The following MLLT3 variants were observed in gnomAD, a reference collection of about 807,000 sequenced individuals.
MLLT3 encodes protein AF-9.
A neutral mutation model predicts 53.2 loss-of-function variants in MLLT3; 4 were observed. That is an observed-to-expected ratio of 0.08 (90% CI 0.04 to 0.17). The LOEUF (loss-of-function observed/expected upper bound fraction) is 0.17. Ranked by LOEUF, MLLT3 falls within the 10% of genes least tolerant of loss-of-function variation. MLLT3 has a pLI of 1.00. For synonymous variants in MLLT3, 283 were observed against 230.6 expected (o/e 1.23, Z -2.06); for missense variants, 569 against 684.0 (o/e 0.83, Z 1.87).
At chr9:20,508,275 G>A (rs185852685) in intron 2 of MLLT3, among the ~76,000 whole-genome samples, 178 of 152,152 alleles carry the variant, frequency 1.2e-3, no homozygotes, top group African/African-American at 4.1e-3. Flanking sequence ...CCCACATTCC[G>A]CCCTTCCCCT....
At chr9:20,562,192 T>C (rs938407280) in intron 2 of MLLT3, among the ~76,000 whole-genome samples, 75 of 152,264 alleles carry the variant, frequency 4.9e-4, no homozygotes, top group African/African-American at 1.7e-3. Context: ...AGTGACTCAG[T>C]AGCTTCCATA....
chr9:20,553,539 G>C (rs1462693250), intron 2 of MLLT3, among the ~76,000 whole-genome samples: 2 of 152,168 alleles, frequency 1.3e-5, no homozygotes, highest in Non-Finnish European at 2.9e-5. Flanking sequence ...ACACCTCCTA[G>C]AGCCAGCATG....
intron 2 of MLLT3, among the ~76,000 whole-genome samples, chr9:20,565,225 T>C (rs1819318959): frequency 6.6e-6 from 1 of 152,092 alleles, no homozygotes; most frequent in Non-Finnish European, 1.5e-5. Context: ...GACAAGATTA[T>C]CTTCTGTAAG....
Position 20,343,024 on chromosome 9 carries a change from T to A in MLLT3, c.*3419A>T, listed in dbSNP as rs1373701367. ...TCCAACACTGGACATCCAACTCCAT[T>A]AAGTAGGCAAAGTTAAAACATTTAA... On this transcript the variant is annotated 3_prime_UTR_variant, in exon 11 of 11. Transcript: ENST00000380338. The A allele has an allele frequency of 5.3e-6, 1 of 187,306 alleles. No homozygotes were observed. Among genetic ancestry groups the A allele is most frequent in the Non-Finnish European group, 1.1e-5 (1 of 89,568 alleles). The allele number at this position is 187,306 out of a possible 1,614,324, so 11.6% of individuals were successfully genotyped here.
chr9:20,550,178 A>G (rs1818892261), intron 2 of MLLT3, among the ~76,000 whole-genome samples: 1 of 152,198 alleles, frequency 6.6e-6, no homozygotes, highest in South Asian at 2.1e-4. Context: ...TGAATTGCCA[A>G]CTATTTCTAG....
rs1448525165 is a variant in MLLT3, at chr9:20,354,859, T to C, written c.1452A>G (p.Pro484=). The change falls in exon 9 of 11, where the codon CCA becomes CCG. Residue 484 remains proline, a synonymous_variant. Coordinates refer to ENST00000380338, the MANE Select transcript of MLLT3 (RefSeq NM_004529.4). ...GCTTATCTGATTTGCTTTGCTTTATTGGACTTTTCACTTCAAGAATCTAGG... is the reference window on the plus strand; with the variant it reads ...GCTTATCTGATTTGCTTTGCTTTATCGGACTTTTCACTTCAAGAATCTAGG... ...NNNQILEVKS[P]IKQSKSDKQI... is the part of the protein sequence containing the mutation. The C allele has an allele frequency of 8.7e-6, 14 of 1,612,644 alleles. No homozygotes were observed. Among genetic ancestry groups the C allele is most frequent in the Non-Finnish European group, 1.1e-5 (13 of 1,178,982 alleles).
In MLLT3 at chr9:20,535,767, C is replaced by T. The variant is rs888344487; in HGVS notation, c.194-78981G>A. On this transcript the variant is annotated intron_variant, in intron 2 of 10. Coordinates refer to ENST00000380338, the MANE Select transcript of MLLT3 (RefSeq NM_004529.4). ...GACATTAGCTGATCCTCTCAACTCCCACATGTCCCACATCCTCAATGACAT... is the reference window on the plus strand; with the variant it reads ...GACATTAGCTGATCCTCTCAACTCCTACATGTCCCACATCCTCAATGACAT... Among the ~76,000 whole-genome samples the T allele has an allele frequency of 3.3e-5, 5 of 152,132 alleles. No homozygotes were observed. In the East Asian group the frequency reaches 9.6e-4, roughly 29 times the overall value.
At chr9:20,355,944 T>C (rs1256320859) in intron 8 of MLLT3, among the ~76,000 whole-genome samples, 1 of 152,248 alleles carries the variant, frequency 6.6e-6, no homozygotes, top group East Asian at 1.9e-4. Context: ...ATGAGTCCAC[T>C]TTTAATCTGT....
chr9:20,585,835 T>C (rs546813294), intron 2 of MLLT3, among the ~76,000 whole-genome samples: 17 of 152,264 alleles, frequency 1.1e-4, no homozygotes, highest in Non-Finnish European at 2.2e-4. Context: ...CCAGTAACAA[T>C]ATATTAAGAC....
intron 10 of MLLT3, among the ~76,000 whole-genome samples, chr9:20,352,522 G>A (rs1821052962): frequency 6.6e-6 from 1 of 152,044 alleles, no homozygotes; most frequent in South Asian, 2.1e-4. Context: ...AAAAGAAACT[G>A]CAAGAAATGC....
At chr9:20,515,829 C>T (rs888108607) in intron 2 of MLLT3, among the ~76,000 whole-genome samples, 7 of 152,110 alleles carry the variant, frequency 4.6e-5, no homozygotes, top group African/African-American at 1.2e-4. Context: ...CAGGCTGTGG[C>T]CTTCCCCAAA....
chr9:20,619,422 C>A (rs1258650964), intron 2 of MLLT3, among the ~76,000 whole-genome samples: 1 of 152,200 alleles, frequency 6.6e-6, no homozygotes, highest in Non-Finnish European at 1.5e-5. Flanking sequence ...ACCTCTGCCA[C>A]CTCTAAGGCA....
chr9:20,538,281 G>T (rs188928684), intron 2 of MLLT3, among the ~76,000 whole-genome samples: 130 of 152,258 alleles, frequency 8.5e-4, no homozygotes, highest in Non-Finnish European at 1.6e-3. Context: ...TTTCTCTGAG[G>T]TAGTTTCTAA....
intron 10 of MLLT3, among the ~76,000 whole-genome samples, chr9:20,347,590 G>A (rs1369609565): frequency 6.6e-6 from 1 of 152,188 alleles, no homozygotes; most frequent in Admixed American, 6.5e-5. Flanking sequence ...ACCATGTAAA[G>A]TATCTTCCCA....
chr9:20,490,476 C>T (rs1172671773), intron 2 of MLLT3, among the ~76,000 whole-genome samples: 5 of 152,200 alleles, frequency 3.3e-5, no homozygotes, highest in Non-Finnish European at 7.3e-5. Context: ...AGGGATGGCC[C>T]AGCTAACAGT....
intron 10 of MLLT3, among the ~76,000 whole-genome samples, chr9:20,349,579 A>G (rs977743626): frequency 6.6e-6 from 1 of 152,220 alleles, no homozygotes; most frequent in African/African-American, 2.4e-5. Flanking sequence ...ACAGTTTTCC[A>G]CGACCCAATA....
intron 5 of MLLT3, among the ~76,000 whole-genome samples, chr9:20,395,076 C>T (rs1008196901): frequency 2.6e-5 from 4 of 152,124 alleles, no homozygotes; most frequent in Admixed American, 6.6e-5. Context: ...TAAACCATAG[C>T]GTCTCCCAAG....
At chr9:20,352,866 G>C (rs1455211745) in intron 10 of MLLT3, among the ~76,000 whole-genome samples, 1 of 151,802 alleles carries the variant, frequency 6.6e-6, no homozygotes, top group Non-Finnish European at 1.5e-5. Context: ...CTTCTCTTTG[G>C]GTGTTAAAAA....
At chr9:20,584,462 C>A (rs1361606031) in intron 2 of MLLT3, among the ~76,000 whole-genome samples, 3 of 152,144 alleles carry the variant, frequency 2.0e-5, no homozygotes, top group African/African-American at 7.2e-5. Flanking sequence ...TCCATTTTCA[C>A]ACTGTTGATA....
Sources: allele counts gnomAD v4.1 joint callset (sites outside exome capture counted in the v4.1 genomes callset), GRCh38; gene constraint gnomAD v4.1.1; transcripts MANE v1.5; gene names NCBI Gene and HGNC (gene_info 2026-07-23, HGNC 2026-07-21).